The following PRKG1 variants were observed in gnomAD, a reference collection of about 807,000 sequenced individuals.
The protein encoded by PRKG1 is protein kinase cGMP-dependent 1, also known as cGMP-dependent protein kinase 1.
Under a neutral mutation model 88.1 loss-of-function variants are expected in PRKG1, and 35 were observed. The observed-to-expected ratio is 0.40, with a 90% CI of 0.30 to 0.53. The LOEUF (loss-of-function observed/expected upper bound fraction) is 0.53. Among genes scored for constraint, PRKG1 ranks in the 20% least tolerant of loss-of-function variants. The pLI is 0.59. For missense variants in PRKG1, 540 were observed against 839.8 expected (o/e 0.64, Z 4.41); for synonymous variants, 303 against 292.5 (o/e 1.04, Z -0.37).
intron 2 of PRKG1, among the ~76,000 whole-genome samples, chr10:51,187,936 C>A (rs888621200): frequency 6.6e-6 from 1 of 151,968 alleles, no homozygotes; most frequent in Non-Finnish European, 1.5e-5. Context: ...AGTTACTCTG[C>A]TGATAGGGAA....
At chr10:51,875,564 C>T (rs1841275933) in intron 4 of PRKG1, among the ~76,000 whole-genome samples, 1 of 152,108 alleles carries the variant, frequency 6.6e-6, no homozygotes, top group Non-Finnish European at 1.5e-5. Context: ...TTGACACCAT[C>T]CCTGGCTCAG....
At chr10:52,165,063 A>G (rs1452253080) in intron 9 of PRKG1, among the ~76,000 whole-genome samples, 1 of 152,190 alleles carries the variant, frequency 6.6e-6, no homozygotes, top group African/African-American at 2.4e-5. Context: ...GAAAAAGTCT[A>G]AAACCTTTGA....
chr10:51,570,138 G>A (rs1292746813), intron 3 of PRKG1, among the ~76,000 whole-genome samples: 3 of 149,864 alleles, frequency 2.0e-5, no homozygotes, highest in Non-Finnish European at 4.4e-5. Flanking sequence ...ATGATGGTAT[G>A]TATGTATATA....
In PRKG1 at chr10:51,074,713, G is replaced by T; in HGVS notation, c.123G>T (p.Lys41Asn). The T allele has an allele frequency of 6.2e-7, 1 of 1,614,034 alleles. No homozygotes were observed. Among genetic ancestry groups the T allele is most frequent in the Admixed American group, 1.7e-5 (1 of 60,010 alleles). Residue 41 changes from lysine to asparagine, a missense_variant, in exon 1 of 18, where the codon AAG becomes AAT. Transcript: ENST00000373980. ...ELDQKDELIQ[K>N]LQNELDKYRS... ...ATCAGAAGGACGAACTGATCCAGAA[G>T]CTGCAGAACGAGCTGGACAAGTACC...
intron 4 of PRKG1, among the ~76,000 whole-genome samples, chr10:51,823,585 C>G (rs1158155649): frequency 6.6e-6 from 1 of 151,212 alleles, no homozygotes; most frequent in Non-Finnish European, 1.5e-5. Context: ...ACTTATGACA[C>G]ATGTCAGAGA....
At chr10:51,335,794 C>T (rs529156627) in intron 2 of PRKG1, among the ~76,000 whole-genome samples, 1 of 152,284 alleles carries the variant, frequency 6.6e-6, no homozygotes, top group African/African-American at 2.4e-5. Flanking sequence ...AATGTTTCAA[C>T]AAAGATCATT....
intron 3 of PRKG1, among the ~76,000 whole-genome samples, chr10:51,479,596 C>G (rs1840298221): frequency 6.6e-6 from 1 of 151,758 alleles, no homozygotes; most frequent in Admixed American, 6.6e-5. Context: ...TTCATTTTTG[C>G]TATTAAAAAA....
intron 3 of PRKG1, among the ~76,000 whole-genome samples, chr10:51,540,135 C>T (rs1466666406): frequency 6.6e-6 from 1 of 152,108 alleles, no homozygotes; most frequent in Non-Finnish European, 1.5e-5. Context: ...GGCTGAGATA[C>T]CATGGTACAT....
chr10:52,210,114 TC>T (rs1328417648), intron 9 of PRKG1, among the ~76,000 whole-genome samples: 1 of 152,146 alleles, frequency 6.6e-6, no homozygotes, highest in Admixed American at 6.6e-5. Context: ...TATTCTGCAA[TC>T]CCTATTTGAT....
intron 3 of PRKG1, among the ~76,000 whole-genome samples, chr10:51,529,509 C>T (rs1195875097): frequency 6.6e-6 from 1 of 152,174 alleles, no homozygotes; most frequent in Non-Finnish European, 1.5e-5. Context: ...TTCTTTATAG[C>T]CAGACTCCCC....
At chr10:51,263,981 T>C (rs779618785) in intron 2 of PRKG1, among the ~76,000 whole-genome samples, 6 of 152,210 alleles carry the variant, frequency 3.9e-5, no homozygotes, top group Non-Finnish European at 7.3e-5. Context: ...GAACTGAACA[T>C]TGATATGGAA....
At chr10:51,027,288 A>G (rs1230847274) in intron 1 of PRKG1, among the ~76,000 whole-genome samples, 1 of 152,202 alleles carries the variant, frequency 6.6e-6, no homozygotes, top group African/African-American at 2.4e-5. Flanking sequence ...GTTACAAGGG[A>G]GAAAATAAAT....
intron 2 of PRKG1, among the ~76,000 whole-genome samples, chr10:51,383,325 G>A (rs1345977817): frequency 6.6e-6 from 1 of 152,060 alleles, no homozygotes; most frequent in East Asian, 1.9e-4. Context: ...GAAAGAGAAG[G>A]AGGGAAAACA....
chr10:52,152,597 C>T (rs951338795), intron 8 of PRKG1, among the ~76,000 whole-genome samples: 3 of 151,944 alleles, frequency 2.0e-5, no homozygotes, highest in Non-Finnish European at 2.9e-5. Context: ...GAGGCAGATG[C>T]GTGAAGTATT....
At chr10:51,718,777 A>G (rs943306993) in intron 3 of PRKG1, among the ~76,000 whole-genome samples, 9 of 149,666 alleles carry the variant, frequency 6.0e-5, no homozygotes, top group Non-Finnish European at 3.0e-5. Flanking sequence ...GAGGCTGGGA[A>G]GGGTAGTAGG....
intron 5 of PRKG1, among the ~76,000 whole-genome samples, chr10:52,052,531 A>G (rs1846013413): frequency 6.6e-6 from 1 of 152,124 alleles, no homozygotes; most frequent in Non-Finnish European, 1.5e-5. Context: ...GTTGGTAAAG[A>G]CATCCCTAAG....
intron 5 of PRKG1, among the ~76,000 whole-genome samples, chr10:52,040,508 G>T (rs11593752): frequency 0.091 from 13,817 of 152,232 alleles, 863 homozygotes; most frequent in Middle Eastern, 0.16. Flanking sequence ...AAATGAATAG[G>T]TCTGAAATGA....
intron 2 of PRKG1, among the ~76,000 whole-genome samples, chr10:51,225,289 A>G (rs1451705437): frequency 6.6e-6 from 1 of 152,002 alleles, no homozygotes. Context: ...CATCTCATCC[A>G]TGAGGGATCT....
chr10:51,225,625 T>A (rs1838671763), intron 2 of PRKG1, among the ~76,000 whole-genome samples: 1 of 152,160 alleles, frequency 6.6e-6, no homozygotes, highest in African/African-American at 2.4e-5. Context: ...TTCTTAACTT[T>A]TTGTTTATTA....
Sources: gnomAD v4.1 joint callset for allele counts (sites outside exome capture counted in the v4.1 genomes callset) on GRCh38, gnomAD v4.1.1 for gene constraint, MANE v1.5 for transcripts, NCBI Gene and HGNC (gene_info 2026-07-23, HGNC 2026-07-21) for gene names.